MLC1: variants seen among roughly 807,000 people sequenced by gnomAD.
The protein encoded by MLC1 is modulator of VRAC current 1.
A neutral mutation model predicts 44.7 loss-of-function variants in MLC1; 32 were observed. The ratio of observed to expected loss-of-function variants is 0.72; its 90% CI spans 0.54 to 0.96. The LOEUF (loss-of-function observed/expected upper bound fraction) is 0.96, where lower values mean the gene tolerates loss of function less well. MLC1 is among the 40% of genes least tolerant of loss of function. The pLI, the probability that MLC1 is intolerant of heterozygous loss-of-function variation, is 0.00. For missense variants in MLC1, 459 were observed against 492.2 expected (o/e 0.93, Z 0.64); for synonymous variants, 190 against 213.0 (o/e 0.89, Z 0.94).
chr22:50,083,346 C>G lies in MLC1; in HGVS notation c.178-173G>C, dbSNP rs9617062. 9.3e-4 allele frequency among the ~76,000 whole-genome samples: 142 copies of G among 151,966 alleles called. 1 individual carries two copies. The East Asian group carries it at 0.026, about 28-fold the overall frequency. ...TCCTGGACTCCTCCTGTAGGACAGA[C>G]GCAGCCCCGCCGCAGCCCAGGACAT... On this transcript the variant is annotated intron_variant, in intron 2 of 11. Coordinates refer to ENST00000311597, the MANE Select transcript of MLC1 (RefSeq NM_015166.4). This position sits in a 1 kb window ranked among gnomAD's most constrained non-coding sequence, Gnocchi z 4.6.
At position 50,061,664 on chromosome 22, in the gene MLC1, C is replaced by G. The variant is rs531780319; in HGVS notation, c.1060-7G>C. On this transcript the variant is annotated splice_polypyrimidine_tract_variant and splice_region_variant and intron_variant, in intron 11 of 11. Transcript: ENST00000311597. ...TCAGGGGGCTCCTGGCCACCTGCAA[C>G]CGAGACAGGAAAGGTGTTACTTCAC... 1.2e-6 allele frequency: 2 copies of G among 1,612,550 alleles called. 1 individual carries two copies. Among genetic ancestry groups the G allele is most frequent in the African/African-American group, 2.7e-5 (2 of 75,040 alleles).
intron 7 of MLC1, among the ~76,000 whole-genome samples, chr22:50,075,545 C>T (rs2146869185): frequency 6.6e-6 from 1 of 152,132 alleles, no homozygotes; most frequent in African/African-American, 2.4e-5. Context: ...CCCGTCTCTA[C>T]TAAAAATAAC....
chr22:50,082,984 G>T, intron 3 of MLC1, 100 bp downstream of exon 3: 1 of 1,200,522 alleles, frequency 8.3e-7, no homozygotes, highest in Non-Finnish European at 1.2e-6. Flanking sequence ...AGGTTTGAAT[G>T]AGGTACAGGT....
Position 50,085,390 on chromosome 22 carries a change from C to G in MLC1, c.-95G>C, listed in dbSNP as rs1159347689. ...GCTCTGCCGTTGGGAGCACTGGTCT[C>G]TGGGTGAGGGACTTCCAGCAAGAAG... On this transcript the variant is annotated 5_prime_UTR_variant, in exon 1 of 12. Transcript: ENST00000311597. 1 of 204,160 alleles carries G rather than the reference C, an allele frequency of 4.9e-6. No homozygotes were observed. The highest frequency in any genetic ancestry group is 2.3e-5 in the African/African-American group (1 of 42,902). The allele number at this position is 204,160 out of a possible 1,614,324, so 12.6% of individuals were successfully genotyped here. A position where few individuals can be genotyped will look rare whatever the true frequency, so the allele number is the denominator to read the frequency against.
At chr22:50,062,409 C>T (rs1407452169) in intron 11 of MLC1, among the ~76,000 whole-genome samples, 2 of 152,232 alleles carry the variant, frequency 1.3e-5, no homozygotes, top group Non-Finnish European at 2.9e-5. Flanking sequence ...TTGCTGGTCA[C>T]AACAGAAACC....
At chr22:50,079,777 A>G (rs1182584380) in intron 5 of MLC1, 141 bp downstream of exon 5, 2 of 752,862 alleles carry the variant, frequency 2.7e-6, no homozygotes. Flanking sequence ...TTGGATGCAT[A>G]AATCTCTCAA....
upstream of MLC1, chr22:50,085,651 G>A (rs1233388430): frequency 6.5e-6 from 1 of 153,062 alleles, no homozygotes; most frequent in African/African-American, 2.4e-5. Flanking sequence ...CCTAAGAATA[G>A]AATCCCACCA....
chr22:50,063,834 CCGGCTGGG>C (rs1259486068), intron 11 of MLC1, among the ~76,000 whole-genome samples, 192 bp downstream of exon 11: 11,829 of 144,422 alleles, frequency 0.082, 145 homozygotes, highest in East Asian at 0.099. Flanking sequence ...ACTCACCTCC[CCGGCTGGG>C]CACCCCTGTG....
chr22:50,075,242 AAC>A (rs1441290839), intron 7 of MLC1, among the ~76,000 whole-genome samples: 2 of 150,588 alleles, frequency 1.3e-5, no homozygotes, highest in African/African-American at 2.4e-5. Flanking sequence ...CTGGGGAAGA[AAC>A]ACACGCCCGA....
chr22:50,074,371 G>C (rs1231733600), intron 7 of MLC1, 39 bp from the exon 8 acceptor site: 4 of 1,530,134 alleles, frequency 2.6e-6, no homozygotes, highest in Admixed American at 1.7e-5. Context: ...TAAGGAAGTG[G>C]AGACACCCCC....
chr22:50,061,507 CAG>C lies in MLC1; in HGVS notation c.*74_*75del. 6.9e-7 allele frequency: 1 copy of C among 1,459,690 alleles called. No homozygotes were observed. The highest frequency in any genetic ancestry group is 1.1e-5 in the South Asian group (1 of 88,086). The allele number at this position is 1,459,690 out of a possible 1,614,324, so 90.4% of individuals were successfully genotyped here. Reference sequence around the variant, plus strand: ...AAAAGAGGTGTTAGAAGCAGTAGCTCAGGGCGATTAGGGGTTGTGCGTTTCCA... The same window carrying C: ...AAAAGAGGTGTTAGAAGCAGTAGCTCGGCGATTAGGGGTTGTGCGTTTCCA... On this transcript the variant is annotated 3_prime_UTR_variant, in exon 12 of 12. Coordinates refer to ENST00000311597, the MANE Select transcript of MLC1 (RefSeq NM_015166.4).
chr22:50,076,554 CAAA>C (rs1262682508), intron 7 of MLC1, among the ~76,000 whole-genome samples: 1 of 113,442 alleles, frequency 8.8e-6, no homozygotes, highest in Non-Finnish European at 1.9e-5. Context: ...GACTCCGTCT[CAAA>C]AAAAAAAAAA....
At position 50,067,426 on chromosome 22, in the gene MLC1, C is replaced by A. The variant is rs577500161; in HGVS notation, c.894+1007G>T. Among the ~76,000 whole-genome samples, 4 of 130,612 alleles carry A rather than the reference C, an allele frequency of 3.1e-5. No individual in the cohort carries two copies. In the Admixed American group the frequency reaches 3.2e-4, roughly 11 times the overall value. 85.7% of individuals were successfully genotyped at this position (130,612 alleles called of 152,430 possible). On this transcript the variant is annotated intron_variant, in intron 10 of 11. Coordinates refer to ENST00000311597, the MANE Select transcript of MLC1 (RefSeq NM_015166.4). ...ATCCCCCGTCAGGCAGTGACTCTAT[C>A]CCCTGTCAGGCAGTGACTCCATCCC...
intron 3 of MLC1, among the ~76,000 whole-genome samples, chr22:50,081,832 C>G (rs923278237): frequency 1.2e-4 from 19 of 152,260 alleles, no homozygotes; most frequent in African/African-American, 4.1e-4. Flanking sequence ...TGGGCACTTG[C>G]CCATATCCGG....
intron 10 of MLC1, among the ~76,000 whole-genome samples, chr22:50,064,701 G>C (rs1382815904): frequency 6.6e-6 from 1 of 152,152 alleles, no homozygotes. Context: ...GAGGCAGCGC[G>C]GTGAGCTCGG....
intron 7 of MLC1, 40 bp downstream of exon 7, chr22:50,076,801 A>G: frequency 6.3e-7 from 1 of 1,596,656 alleles, no homozygotes; most frequent in South Asian, 1.1e-5. Context: ...CACCCCCGAC[A>G]GAGTATGAGA....
chr22:50,081,009 A>AAAAGAAAGAAAGAAAGAAAGAAAGGAAG (rs2062111796), intron 3 of MLC1, among the ~76,000 whole-genome samples: 4 of 96,820 alleles, frequency 4.1e-5, no homozygotes, highest in South Asian at 3.7e-4. Context: ...TTGTCTCAAA[A>AAAAGAAAGAAAGAAAGAAAGAAAGGAAG]AAAGAAAGAA....
At chr22:50,077,603 C>G (rs898319735) in intron 5 of MLC1, 101 bp from the exon 6 acceptor site, 1 of 935,580 alleles carries the variant, frequency 1.1e-6, no homozygotes, top group South Asian at 1.4e-5. Context: ...GCGCAGGACT[C>G]TCAGCCACGG....
intron 3 of MLC1, 23 bp from the exon 4 acceptor site, chr22:50,080,420 T>C: frequency 1.3e-6 from 2 of 1,592,562 alleles, no homozygotes; most frequent in Non-Finnish European, 8.5e-7. Flanking sequence ...CGGAATCCCA[T>C]GAGCCTGCCG....
Sources: gnomAD v4.1 joint callset for allele counts (sites outside exome capture counted in the v4.1 genomes callset) on GRCh38, gnomAD v4.1.1 for gene constraint, Gnocchi (gnomAD v3.1) non-coding constraint, MANE v1.5 for transcripts, NCBI Gene and HGNC (gene_info 2026-07-23, HGNC 2026-07-21) for gene names.